HNRNPR: variants seen among roughly 807,000 people sequenced by gnomAD.
HNRNPR encodes heterogeneous nuclear ribonucleoprotein R.
Under a neutral mutation model 70.3 loss-of-function variants are expected in HNRNPR, and 4 were observed. That is an observed-to-expected ratio of 0.06 (90% CI 0.03 to 0.13). The LOEUF (loss-of-function observed/expected upper bound fraction) is 0.13. HNRNPR is among the 10% of genes least tolerant of loss of function. HNRNPR has a pLI of 1.00. For missense variants in HNRNPR, 423 were observed against 788.5 expected, an observed-to-expected ratio of 0.54 and a Z score of 5.55; for synonymous variants, 241 against 267.6, an observed-to-expected ratio of 0.90 and a Z score of 0.97.
chr1:23,338,383 G>A (rs535884763), intron 3 of HNRNPR, 107 bp downstream of exon 3: 132 of 511,254 alleles, frequency 2.6e-4, no homozygotes, highest in Middle Eastern at 5.6e-4. Flanking sequence ...TTTAAAAGAA[G>A]AGGTAGTCAC....
Position 23,305,690 on chromosome 1 carries a change from C to A in HNRNPR, c.*4764G>T, listed in dbSNP as rs1022629976. On this transcript the variant is annotated 3_prime_UTR_variant, in exon 11 of 11. Transcript: ENST00000302271. ...AAACTATAAGATGAGGGATTTTAAT[C>A]TTTAGCAATAATTTAAATATTGACT... 1 of 151,534 alleles carries A rather than the reference C, an allele frequency of 6.6e-6. No individual in the cohort carries two copies. Among genetic ancestry groups the A allele is most frequent in the Non-Finnish European group, 1.5e-5 (1 of 67,930 alleles). The allele number at this position is 151,534 out of a possible 1,614,324, so 9.4% of individuals were successfully genotyped here. A position where few individuals can be genotyped will look rare whatever the true frequency, so the allele number is the denominator to read the frequency against.
chr1:23,322,230 T>C (rs1020013200), intron 6 of HNRNPR, among the ~76,000 whole-genome samples: 2 of 152,000 alleles, frequency 1.3e-5, no homozygotes, highest in African/African-American at 2.4e-5. Context: ...TCTTGATAAA[T>C]TGTAGCCCTT....
At position 23,337,765 on chromosome 1, in the gene HNRNPR, C is replaced by T. The variant is rs370491978; in HGVS notation, c.373G>A (p.Ala125Thr). Residue 125 changes from alanine to threonine, a missense_variant, in exon 4 of 11, where the codon GCG becomes ACG. Transcript: ENST00000302271. Reference sequence around the variant, plus strand: ...AAGTCAAGTTTTACCTTGATCTTCGCTTCATCAGGTCCCTTTGTGGACTCT... The same window carrying T: ...AAGTCAAGTTTTACCTTGATCTTCGTTTCATCAGGTCCCTTTGTGGACTCT... ...VQESTKGPDE[A>T]KIKALLERTG... 28 of 1,607,692 alleles carry T rather than the reference C, an allele frequency of 1.7e-5. No homozygotes were observed. In the African/African-American group the frequency reaches 2.4e-4, roughly 14 times the overall value.
intron 7 of HNRNPR, among the ~76,000 whole-genome samples, chr1:23,320,556 G>C (rs576276727): frequency 1.1e-3 from 170 of 152,270 alleles, no homozygotes; most frequent in Admixed American, 4.3e-3. Flanking sequence ...TTAATGAAAG[G>C]CTGAAACCAC....
At chr1:23,336,621 A>G (rs1319011728) in intron 4 of HNRNPR, among the ~76,000 whole-genome samples, 1 of 143,898 alleles carries the variant, frequency 6.9e-6, no homozygotes, top group Non-Finnish European at 1.5e-5. Flanking sequence ...GTGGTGGCGC[A>G]CGCCTGTAGT....
chr1:23,314,574 G>C (rs911685584), intron 8 of HNRNPR, among the ~76,000 whole-genome samples: 6 of 152,110 alleles, frequency 3.9e-5, no homozygotes, highest in African/African-American at 1.4e-4. Context: ...AACACATATG[G>C]CTCTTAAAAT....
intron 4 of HNRNPR, among the ~76,000 whole-genome samples, chr1:23,336,336 C>T (rs1249012487): frequency 2.7e-5 from 4 of 150,764 alleles, no homozygotes; most frequent in Admixed American, 1.3e-4. Context: ...GAGGCCGAGG[C>T]GGGCGGATCA....
chr1:23,327,359 T>C (rs1008904633), intron 5 of HNRNPR, among the ~76,000 whole-genome samples: 1 of 152,220 alleles, frequency 6.6e-6, no homozygotes, highest in African/African-American at 2.4e-5. Flanking sequence ...TAGGCATTCA[T>C]GAAGTTTATA....
At chr1:23,329,214 G>A (rs781413097) in intron 5 of HNRNPR, among the ~76,000 whole-genome samples, 3 of 152,112 alleles carry the variant, frequency 2.0e-5, no homozygotes, top group Admixed American at 1.3e-4. Flanking sequence ...AACAGACCAC[G>A]AATCGAAAAC....
At position 23,318,742 on chromosome 1, in the gene HNRNPR, CG is replaced by C. The variant is rs1264187372; in HGVS notation, c.812-55del. The C allele has an allele frequency of 6.4e-7, 1 of 1,560,726 alleles. No homozygotes were observed. The highest frequency in any genetic ancestry group is 8.8e-7 in the Non-Finnish European group (1 of 1,138,262). ...CCAAAAGCATCCACCACACATCTAGCGATTAGGCAGACCTAAATCCACTTGA... is the reference window on the plus strand; with the variant it reads ...CCAAAAGCATCCACCACACATCTAGCATTAGGCAGACCTAAATCCACTTGA... On this transcript the variant is annotated intron_variant, in intron 7 of 10. Transcript: ENST00000302271. The surrounding 1 kb of genome is among the most constrained non-coding windows in gnomAD (Gnocchi z 4.2).
At chr1:23,343,849 C>G (rs559007875) in intron 1 of HNRNPR, among the ~76,000 whole-genome samples, 190 of 152,274 alleles carry the variant, frequency 1.2e-3, no homozygotes, top group African/African-American at 4.2e-3. Context: ...GAAGCGGCTC[C>G]GGCGGGGAGA....
intron 4 of HNRNPR, among the ~76,000 whole-genome samples, chr1:23,337,423 C>T (rs201027509): frequency 2.0e-5 from 3 of 152,088 alleles, no homozygotes; most frequent in Non-Finnish European, 4.4e-5. Flanking sequence ...CTTTGAAGGC[C>T]GAGGTGGGCG....
At chr1:23,330,317 A>ACC in intron 5 of HNRNPR, among the ~76,000 whole-genome samples, 1 of 152,212 alleles carries the variant, frequency 6.6e-6, no homozygotes, top group Admixed American at 6.5e-5. Flanking sequence ...CGGGTGGATC[A>ACC]TGAGGTCAAG....
rs1365106741 is a variant in HNRNPR, at chr1:23,308,419, G to A, written c.*2035C>T. 6.6e-6 allele frequency: 1 copy of A among 151,752 alleles called. No individual in the cohort carries two copies. Among genetic ancestry groups the A allele is most frequent in the East Asian group, 1.9e-4 (1 of 5,192 alleles). The allele number at this position is 151,752 out of a possible 1,614,324, so 9.4% of individuals were successfully genotyped here. ...TTATTTGTAGATTTTGTTCTTTCCA[G>A]GAAAAAAATCAGGGTTTTACTTAAG... is the stretch of plus-strand genomic sequence containing the variant. On this transcript the variant is annotated 3_prime_UTR_variant, in exon 11 of 11. Coordinates refer to ENST00000302271, the MANE Select transcript of HNRNPR (RefSeq NM_005826.5).
chr1:23,324,008 T>TAA (rs1645860877), intron 5 of HNRNPR, among the ~76,000 whole-genome samples: 1 of 151,996 alleles, frequency 6.6e-6, no homozygotes, highest in African/African-American at 2.4e-5. Flanking sequence ...CTTGACTTTT[T>TAA]CTCATAAAAA....
In HNRNPR at chr1:23,310,998, C is replaced by G. The variant is rs776523472; in HGVS notation, c.1358G>C (p.Gly453Ala). The change falls in exon 11 of 11, where the codon GGG becomes GCG. Residue 453 changes from glycine (G) to alanine (A), a missense_variant. By Grantham distance (60) the Gly-to-Ala change is moderately conservative. Coordinates refer to ENST00000302271, the MANE Select transcript of HNRNPR (RefSeq NM_005826.5). The surrounding 1 kb of genome is among the most constrained non-coding windows in gnomAD (Gnocchi z 6.0). Reference sequence around the variant, plus strand: ...AGGGTAGCCATATCCACCTCTCCCCCCACCACGACCCCGACCTCTAATTGG... The same window carrying G: ...AGGGTAGCCATATCCACCTCTCCCCGCACCACGACCCCGACCTCTAATTGG... ...PPPIRGRGRG[G>A]GRGGYGYPPD... 2.1e-5 allele frequency: 34 copies of G among 1,614,078 alleles called. No individual in the cohort carries two copies. The highest frequency in any genetic ancestry group is 1.1e-4 in the South Asian group (10 of 91,090).
rs762950298 is a variant in HNRNPR, at chr1:23,306,599, AC to A, written c.*3854del. 2.6e-5 allele frequency: 4 copies of A among 151,174 alleles called. No individual in the cohort carries two copies. The highest frequency in any genetic ancestry group is 6.6e-5 in the Admixed American group (1 of 15,216). The allele number at this position is 151,174 out of a possible 1,614,324, so 9.4% of individuals were successfully genotyped here. A position where few individuals can be genotyped will look rare whatever the true frequency, so the allele number is the denominator to read the frequency against. The stretch of plus-strand genomic sequence containing the variant: ...TGAAAATGATTAAAAAAACAAAAAA[AC>A]AAAACAAAACAAAACAAAACCAGAG... On this transcript the variant is annotated 3_prime_UTR_variant, in exon 11 of 11. Transcript: ENST00000302271.
intron 4 of HNRNPR, among the ~76,000 whole-genome samples, chr1:23,336,781 A>G (rs896721910): frequency 1.3e-5 from 2 of 151,350 alleles, no homozygotes; most frequent in East Asian, 1.9e-4. Context: ...AAAAAAAAAA[A>G]AAAAGAAAAG....
chr1:23,320,107 T>C (rs1354712622), intron 7 of HNRNPR, among the ~76,000 whole-genome samples: 1 of 152,206 alleles, frequency 6.6e-6, no homozygotes, highest in East Asian at 1.9e-4. Context: ...AGAGAATATG[T>C]CTCTTAGCCA....
Sources: allele counts gnomAD v4.1 joint callset (sites outside exome capture counted in the v4.1 genomes callset), GRCh38; gene constraint gnomAD v4.1.1; non-coding constraint Gnocchi (gnomAD v3.1); transcripts MANE v1.5; gene names NCBI Gene and HGNC (gene_info 2026-07-23, HGNC 2026-07-21).